Variants in NEXMIF observed in about 807,000 individuals in gnomAD.
NEXMIF encodes the protein neurite extension and migration factor.
NEXMIF carries 8 observed loss-of-function variants against 62.1 expected under a neutral mutation model. The observed-to-expected ratio is 0.13, with a 90% CI of 0.08 to 0.23. NEXMIF has a LOEUF of 0.23. NEXMIF is among the 10% of genes least tolerant of loss of function. The pLI is 1.00. For synonymous variants in NEXMIF, 404 were observed against 416.6 expected, an observed-to-expected ratio of 0.97 and a Z score of 0.37; for missense variants, 976 against 1,113.3, an observed-to-expected ratio of 0.88 and a Z score of 1.75.
intron 1 of NEXMIF, among the ~76,000 whole-genome samples, chrX:74,749,455 C>T (rs2080135150): frequency 9.0e-6 from 1 of 111,004 alleles, no homozygotes; most frequent in African/African-American, 3.3e-5. Flanking sequence ...TCACCTTCTC[C>T]AGTTGTATCC....
At chrX:74,808,718 G>A (rs963522294) in intron 1 of NEXMIF, among the ~76,000 whole-genome samples, 1 of 111,798 alleles carries the variant, frequency 8.9e-6, no homozygotes, top group African/African-American at 3.3e-5. Flanking sequence ...GTTTTGGAAG[G>A]TTAATTGTTG....
At chrX:74,907,345 C>G (rs771979247) in intron 1 of NEXMIF, among the ~76,000 whole-genome samples, 4 of 74,335 alleles carry the variant, frequency 5.4e-5, no homozygotes, top group Non-Finnish European at 1.0e-4. Context: ...CCCCCCCCCC[C>G]GCCCCTTACC....
In NEXMIF at chrX:74,742,779, T is replaced by G; in HGVS notation, c.1778A>C (p.Lys593Thr). Residue 593 changes from lysine to threonine, a missense_variant, in exon 3 of 4, where the codon AAG (lysine) becomes ACG (threonine). Around this residue, in one of 5 missense-constraint regions of NEXMIF, gnomAD observed 639 missense variants for 694.5 expected, o/e 0.92. Coordinates refer to ENST00000055682, the MANE Select transcript of NEXMIF (RefSeq NM_001008537.3). The stretch of plus-strand genomic sequence containing the variant: ...GGAGTCCGTGTTGGTGTTTCTCTGC[T>G]TCTTCTTCTTTTGCCAGAAGCCTTT... ...PLKGFWQKKKKQRNTNTDSIK... is the reference protein window; with the variant it reads ...PLKGFWQKKKTQRNTNTDSIK... 8.3e-7 allele frequency: 1 copy of G among 1,211,094 alleles called. No homozygotes were observed. Among genetic ancestry groups the G allele is most frequent in the Non-Finnish European group, 1.1e-6 (1 of 895,159 alleles).
At chrX:74,872,803 C>T (rs1251223443) in intron 1 of NEXMIF, among the ~76,000 whole-genome samples, 2 of 109,702 alleles carry the variant, frequency 1.8e-5, no homozygotes, top group African/African-American at 6.6e-5. Context: ...ATATACATAC[C>T]TACTATGTGT....
intron 1 of NEXMIF, among the ~76,000 whole-genome samples, chrX:74,881,369 A>AAC (rs1293120174): frequency 5.7e-4 from 43 of 76,004 alleles, no homozygotes; most frequent in African/African-American, 2.3e-3. Flanking sequence ...GATAAATTCC[A>AAC]ACACACACAC....
chrX:74,857,667 C>A (rs1203864981), intron 1 of NEXMIF, among the ~76,000 whole-genome samples: 2 of 111,725 alleles, frequency 1.8e-5, no homozygotes, highest in African/African-American at 6.5e-5. Flanking sequence ...ACTTTAGGTA[C>A]CAACTCAGCC....
At chrX:74,876,563 G>A (rs1400755290) in intron 1 of NEXMIF, among the ~76,000 whole-genome samples, 4 of 104,588 alleles carry the variant, frequency 3.8e-5, no homozygotes, top group Non-Finnish European at 5.9e-5. Context: ...TTTCTGTCTC[G>A]TTGATCTGTC....
intron 1 of NEXMIF, among the ~76,000 whole-genome samples, chrX:74,811,651 G>C (rs1178366485): frequency 8.9e-6 from 1 of 112,604 alleles, no homozygotes; most frequent in Non-Finnish European, 1.9e-5. Context: ...GTGGGCAAAA[G>C]TCAATCATTC....
chrX:74,905,733 T>C (rs1317188393), intron 1 of NEXMIF, among the ~76,000 whole-genome samples: 2 of 110,054 alleles, frequency 1.8e-5, no homozygotes, highest in African/African-American at 6.6e-5. Context: ...TTGCTTGAAC[T>C]CAGGAGTTGG....
intron 1 of NEXMIF, among the ~76,000 whole-genome samples, chrX:74,913,761 C>T (rs2080798276): frequency 8.9e-6 from 1 of 111,963 alleles, no homozygotes; most frequent in African/African-American, 3.2e-5. Context: ...TTTTCAAATG[C>T]TTTCAGGAAA....
At chrX:74,872,981 TTTAA>T (rs1044311472) in intron 1 of NEXMIF, among the ~76,000 whole-genome samples, 5 of 110,508 alleles carry the variant, frequency 4.5e-5, no homozygotes, top group South Asian at 3.8e-4. Context: ...TTGGTTTTTT[TTTAA>T]TTAATTAATT....
At chrX:74,760,539 C>T (rs931017558) in intron 1 of NEXMIF, among the ~76,000 whole-genome samples, 2 of 111,562 alleles carry the variant, frequency 1.8e-5, no homozygotes, top group Non-Finnish European at 3.8e-5. Flanking sequence ...ATAGATGGCT[C>T]TTATTATTTT....
At chrX:74,870,354 C>T (rs1490233277) in intron 1 of NEXMIF, among the ~76,000 whole-genome samples, 38 of 111,224 alleles carry the variant, frequency 3.4e-4, no homozygotes. Context: ...TCTAAGACCT[C>T]AAGCTATGAA....
chrX:74,742,495 C>T lies in NEXMIF; in HGVS notation c.2062G>A (p.Gly688Arg), dbSNP rs1466709402. 2.5e-6 allele frequency: 3 copies of T among 1,209,970 alleles called. No individual in the cohort carries two copies. The highest frequency in any genetic ancestry group is 1.1e-6 in the Non-Finnish European group (1 of 895,136). Residue 688 changes from glycine to arginine, a missense_variant, in exon 3 of 4, where the codon GGA (glycine) becomes AGA (arginine). Physicochemically the swap from Gly to Arg is moderately radical, Grantham distance 125 (BLOSUM62 -2). This residue lies in a region of NEXMIF where 639 missense variants were observed against 694.5 expected (regional missense o/e 0.92). Transcript: ENST00000055682. Reference protein sequence around the residue: ...APLGAPSCANGSHLNDITGPD... With the variant: ...APLGAPSCANRSHLNDITGPD... ...CCTGTGATGTCATTTAAATGTGATC[C>T]ATTTGCACAGCTAGGAGCACCCAGA...
intron 1 of NEXMIF, among the ~76,000 whole-genome samples, chrX:74,750,953 C>T (rs906694273): frequency 1.8e-5 from 2 of 111,544 alleles, no homozygotes; most frequent in Non-Finnish European, 3.8e-5. Flanking sequence ...TCTGGCTGGG[C>T]GTGGTGGTTC....
rs371753060 is a variant in NEXMIF at position 74,819,823 on chromosome X, A to C, written c.-47-74126T>G. ...AACTAGAAATACCATTTGACCCAGC[A>C]ATCCCATTACTGGGTATATACCCAA... On this transcript the variant is annotated intron_variant, in intron 1 of 3. Coordinates refer to ENST00000055682, the MANE Select transcript of NEXMIF (RefSeq NM_001008537.3). Among the ~76,000 whole-genome samples, 15 of 112,098 alleles carry C rather than the reference A, an allele frequency of 1.3e-4. No homozygotes were observed. In the East Asian group the frequency reaches 4.0e-3, roughly 30 times the overall value.
intron 1 of NEXMIF, among the ~76,000 whole-genome samples, chrX:74,861,498 C>A (rs1425558783): frequency 9.0e-6 from 1 of 111,281 alleles, no homozygotes; most frequent in African/African-American, 3.3e-5. Context: ...CCCAGAGAAA[C>A]CCAATAAGAT....
At chrX:74,846,296 T>C (rs2080491724) in intron 1 of NEXMIF, among the ~76,000 whole-genome samples, 1 of 112,150 alleles carries the variant, frequency 8.9e-6, no homozygotes, top group African/African-American at 3.2e-5. Flanking sequence ...AAAGGCCCTT[T>C]ACCTCACTTA....
chrX:74,739,393 A>G lies in NEXMIF; in HGVS notation c.*12T>C. ...CCACAAGGCATATTTTGAAAGAAAT[A>G]AAACACAAACATCAAATGTCTTTCT... On this transcript the variant is annotated 3_prime_UTR_variant, in exon 4 of 4. Coordinates refer to ENST00000055682, the MANE Select transcript of NEXMIF (RefSeq NM_001008537.3). 8.6e-7 allele frequency: 1 copy of G among 1,162,240 alleles called. No individual in the cohort carries two copies. Among genetic ancestry groups the G allele is most frequent in the Admixed American group, 2.4e-5 (1 of 42,213 alleles).
Sources: gnomAD v4.1 joint callset for allele counts (sites outside exome capture counted in the v4.1 genomes callset) on GRCh38, gnomAD v4.1.1 for gene constraint, gnomAD v4.1.1 regional missense constraint, MANE v1.5 for transcripts, NCBI Gene and HGNC (gene_info 2026-07-23, HGNC 2026-07-21) for gene names.